Variants in RIMS2 observed in about 807,000 individuals in gnomAD.
RIMS2 encodes regulating synaptic membrane exocytosis 2.
A neutral mutation model predicts 174.4 loss-of-function variants in RIMS2; 59 were observed. That is an observed-to-expected ratio of 0.34 (90% CI 0.27 to 0.42). The LOEUF is 0.42. RIMS2 is among the 10% of genes least tolerant of loss of function. The probability of loss-of-function intolerance (pLI) is 1.00; values close to 1 mark genes in which losing one functional copy is unlikely to be tolerated. For synonymous variants in RIMS2, 606 were observed against 572.5 expected (o/e 1.06, Z -0.84); for missense variants, 1,620 against 1,666.3 (o/e 0.97, Z 0.48).
At chr8:104,255,286 GAAC>G (rs1442745623), downstream of RIMS2, 3 of 136,014 alleles carry the variant, frequency 2.2e-5, no homozygotes, top group Admixed American at 7.8e-5. Context: ...TCCTGTATAT[GAAC>G]AACATTTTCC....
chr8:104,113,555 G>A (rs7013254), intron 19 of RIMS2, among the ~76,000 whole-genome samples: 86,041 of 151,622 alleles, frequency 0.57, 27,277 homozygotes, highest in East Asian at 0.92. Flanking sequence ...TATGTTTCAC[G>A]GTTCTTAAAA....
At chr8:104,189,599 T>TA (rs2098987200) in intron 19 of RIMS2, among the ~76,000 whole-genome samples, 2 of 147,636 alleles carry the variant, frequency 1.4e-5, no homozygotes, top group African/African-American at 2.5e-5. Flanking sequence ...TATATATATA[T>TA]TTATGTAAAT....
At chr8:103,967,501 T>G (rs2092213364) in intron 15 of RIMS2, among the ~76,000 whole-genome samples, 1 of 151,608 alleles carries the variant, frequency 6.6e-6, no homozygotes, top group Admixed American at 6.6e-5. Flanking sequence ...GCCTGTTTGT[T>G]TTGTTTTTTG....
intron 19 of RIMS2, among the ~76,000 whole-genome samples, chr8:104,134,308 T>C (rs1433293253): frequency 6.6e-6 from 1 of 151,950 alleles, no homozygotes; most frequent in Non-Finnish European, 1.5e-5. Flanking sequence ...CTACTAAAAA[T>C]ACAAAAATTA....
At chr8:103,700,918 A>G (rs1449527754) in intron 2 of RIMS2, among the ~76,000 whole-genome samples, 2 of 152,080 alleles carry the variant, frequency 1.3e-5, no homozygotes, top group Non-Finnish European at 2.9e-5. Context: ...ATTCTATGTT[A>G]CTGGTGTCAT....
intron 1 of RIMS2, among the ~76,000 whole-genome samples, chr8:103,567,401 A>G (rs2092447700): frequency 6.6e-6 from 1 of 152,212 alleles, no homozygotes. Flanking sequence ...ATTACTTTAT[A>G]TAAATGGAAT....
At chr8:104,192,343 CACTG>C (rs962367106) in intron 19 of RIMS2, among the ~76,000 whole-genome samples, 7 of 152,140 alleles carry the variant, frequency 4.6e-5, no homozygotes, top group Admixed American at 3.9e-4. Context: ...AAGGAAAACT[CACTG>C]ACAGCATTTG....
In RIMS2 at chr8:103,702,938, C is replaced by A. The variant is rs1437436472; in HGVS notation, c.387+5642C>A. Among the ~76,000 whole-genome samples, 3 of 108,976 alleles carry A rather than the reference C, an allele frequency of 2.8e-5. No homozygotes were observed. In the Admixed American group the frequency reaches 2.9e-4, roughly 11 times the overall value. The allele number at this position is 108,976 out of a possible 152,430, so 71.5% of individuals were successfully genotyped here. On this transcript the variant is annotated intron_variant, in intron 2 of 23. Transcript: ENST00000504942. ...TGGTTGCATTAGAATTTTAGGACTT[C>A]TTTTTTCTGTTTCGTGAGGAATGTT...
intron 3 of RIMS2, among the ~76,000 whole-genome samples, chr8:103,878,944 A>C (rs1418304322): frequency 2.6e-5 from 4 of 151,726 alleles, no homozygotes; most frequent in African/African-American, 9.7e-5. Context: ...ACTGGATAAT[A>C]AGATTACAAT....
intron 19 of RIMS2, among the ~76,000 whole-genome samples, chr8:104,124,927 T>G (rs1269317475): frequency 6.6e-6 from 1 of 151,792 alleles, no homozygotes; most frequent in Non-Finnish European, 1.5e-5. Flanking sequence ...TGTCTATAGA[T>G]ATTTTATCAT....
chr8:103,746,612 A>G (rs1405066765), intron 2 of RIMS2, among the ~76,000 whole-genome samples: 2 of 151,106 alleles, frequency 1.3e-5, no homozygotes, highest in South Asian at 2.1e-4. Flanking sequence ...CCACCCCTCA[A>G]CCTCTGAAAG....
At chr8:104,177,308 G>A (rs1586639230) in intron 19 of RIMS2, among the ~76,000 whole-genome samples, 1 of 152,106 alleles carries the variant, frequency 6.6e-6, no homozygotes, top group African/African-American at 2.4e-5. Flanking sequence ...TGGTGCCTTT[G>A]TAGTAGGAAA....
chr8:103,515,392 T>G (rs1386861314), intron 1 of RIMS2, among the ~76,000 whole-genome samples: 1 of 152,214 alleles, frequency 6.6e-6, no homozygotes, highest in African/African-American at 2.4e-5. Flanking sequence ...TTAAGCCATT[T>G]TTTGAAGTCA....
At chr8:103,929,080 A>G (rs16870841) in intron 11 of RIMS2, among the ~76,000 whole-genome samples, 1,892 of 151,840 alleles carry the variant, frequency 0.012, 26 homozygotes, top group South Asian at 0.046. Context: ...TAAAAGGTGT[A>G]ATTTTGGTCA....
At chr8:103,697,285 C>T (rs755807622) in exon 2 of RIMS2, 12 of 1,611,948 alleles carry the variant, frequency 7.4e-6, no homozygotes, top group East Asian at 2.2e-5. Context: ...AGTGTCATTA[C>T]GCTCAAACAA....
intron 2 of RIMS2, among the ~76,000 whole-genome samples, chr8:103,727,446 G>T (rs2097539369): frequency 6.6e-6 from 1 of 151,876 alleles, no homozygotes; most frequent in Non-Finnish European, 1.5e-5. Context: ...TCTTTCCTTT[G>T]AAGTGCAGAA....
intron 16 of RIMS2, among the ~76,000 whole-genome samples, chr8:103,984,415 A>G (rs2094184478): frequency 6.6e-6 from 1 of 152,198 alleles, no homozygotes; most frequent in Non-Finnish European, 1.5e-5. Flanking sequence ...AGATTTCTCA[A>G]AAGAAGACAT....
chr8:103,812,071 G>A (rs2098690925), intron 3 of RIMS2, among the ~76,000 whole-genome samples: 1 of 152,114 alleles, frequency 6.6e-6, no homozygotes, highest in African/African-American at 2.4e-5. Flanking sequence ...GCTATAAAAT[G>A]TTTTTGTACA....
At chr8:103,961,103 G>C in exon 15 of RIMS2, 1 of 1,506,606 alleles carries the variant, frequency 6.6e-7, no homozygotes, top group Non-Finnish European at 9.2e-7. Flanking sequence ...CTCTGACTAT[G>C]ACTGTGATGA....
Sources: allele counts gnomAD v4.1 joint callset (sites outside exome capture counted in the v4.1 genomes callset), GRCh38; gene constraint gnomAD v4.1.1; transcripts MANE v1.5; gene names NCBI Gene and HGNC (gene_info 2026-07-23, HGNC 2026-07-21).